The following HDAC8 variants were observed in gnomAD, a reference collection of about 807,000 sequenced individuals.
The protein encoded by HDAC8 is histone deacetylase-like 1.
HDAC8 carries 1 observed loss-of-function variant against 32.2 expected under a neutral mutation model. That is an observed-to-expected ratio of 0.03 (90% CI 0.01 to 0.15). The LOEUF (loss-of-function observed/expected upper bound fraction) is 0.15, where lower values mean the gene tolerates loss of function less well. Ranked by LOEUF, HDAC8 falls within the 10% of genes least tolerant of loss-of-function variation. The pLI is 1.00. For synonymous variants in HDAC8, 108 were observed against 113.9 expected (o/e 0.95, Z 0.33); for missense variants, 117 against 300.0 (o/e 0.39, Z 4.51).
chrX:72,522,272 AAAGT>A (rs1435220300), intron 4 of HDAC8, among the ~76,000 whole-genome samples: 1 of 112,707 alleles, frequency 8.9e-6, no homozygotes, highest in African/African-American at 3.2e-5. Context: ...AGATTATTCA[AAAGT>A]AAGAAATGAA....
chrX:72,394,572 G>A (rs2045706514), intron 9 of HDAC8, among the ~76,000 whole-genome samples: 1 of 112,282 alleles, frequency 8.9e-6, no homozygotes, highest in African/African-American at 3.2e-5. Flanking sequence ...AAAGCAACTG[G>A]ACTGCGGAAA....
intron 9 of HDAC8, among the ~76,000 whole-genome samples, chrX:72,370,988 C>T (rs2044857997): frequency 8.9e-6 from 1 of 112,101 alleles, no homozygotes; most frequent in African/African-American, 3.2e-5. Flanking sequence ...AAGATCAATA[C>T]TTTGTATGTT....
intron 8 of HDAC8, chrX:72,462,572 G>A (rs782311022): frequency 8.9e-6 from 1 of 112,905 alleles, no homozygotes; most frequent in Admixed American, 9.3e-5. Context: ...AAAGGAAAAT[G>A]CTGACAAAAA....
chrX:72,329,757 G>C lies in HDAC8; in HGVS notation c.*297C>G. 8.7e-7 allele frequency: 1 copy of C among 1,144,397 alleles called. No homozygotes were observed. The highest frequency in any genetic ancestry group is 3.2e-5 in the East Asian group (1 of 30,785). The allele number at this position is 1,144,397 out of a possible 1,213,427, so 94.3% of individuals were successfully genotyped here. ...ATTAAAATACTCCCCTCCCCAATTC[G>C]CTTAAAAATAATTTTCAAAGATTAA... On this transcript the variant is annotated 3_prime_UTR_variant, in exon 11 of 11. Transcript: ENST00000373573.
chrX:72,524,141 C>T (rs781800291), intron 4 of HDAC8, among the ~76,000 whole-genome samples: 3 of 112,432 alleles, frequency 2.7e-5, no homozygotes, highest in African/African-American at 9.7e-5. Context: ...GTCTAAAATA[C>T]TAGCTGGACC....
chrX:72,489,122 T>C, intron 6 of HDAC8, 81 bp from the exon 7 acceptor site: 1 of 646,286 alleles, frequency 1.5e-6, no homozygotes, highest in South Asian at 3.1e-5. Context: ...GATAGGGAAA[T>C]TTCTAGGGAA....
At chrX:72,505,220 C>T (rs1020444815) in intron 4 of HDAC8, among the ~76,000 whole-genome samples, 2 of 110,825 alleles carry the variant, frequency 1.8e-5, no homozygotes, top group Admixed American at 1.9e-4. Flanking sequence ...GATAAATATC[C>T]TTTGAAGCCC....
chrX:72,334,067 T>C (rs782389593), intron 10 of HDAC8, among the ~76,000 whole-genome samples: 7 of 112,410 alleles, frequency 6.2e-5, no homozygotes, highest in African/African-American at 2.3e-4. Flanking sequence ...AAGAAGTTGA[T>C]GATGAGCAAT....
chrX:72,490,917 A>C lies in HDAC8; in HGVS notation c.628+12T>G. The C allele has an allele frequency of 8.6e-7, 1 of 1,163,543 alleles. No homozygotes were observed. Among genetic ancestry groups the C allele is most frequent in the South Asian group, 1.8e-5 (1 of 55,774 alleles). On this transcript the variant is annotated intron_variant, in intron 6 of 10. Transcript: ENST00000373573. ...AGTCATCAAATGTAATACTGAGTTT[A>C]TGATCACTTGCCTGGGAAAAATCCT...
At chrX:72,572,214 G>A (rs1556161341) in intron 1 of HDAC8, 105 bp from the exon 2 acceptor site, 3 of 793,647 alleles carry the variant, frequency 3.8e-6, no homozygotes, top group African/African-American at 4.3e-5. Flanking sequence ...ACAAAGGAAC[G>A]GATTAATTTT....
intron 4 of HDAC8, among the ~76,000 whole-genome samples, chrX:72,551,835 C>A (rs782194700): frequency 7.1e-5 from 8 of 112,080 alleles, no homozygotes; most frequent in Non-Finnish European, 1.5e-4. Flanking sequence ...TATAATCTGA[C>A]CTTGTCCTAT....
At chrX:72,536,901 T>C (rs2050545755) in intron 4 of HDAC8, among the ~76,000 whole-genome samples, 1 of 111,924 alleles carries the variant, frequency 8.9e-6, no homozygotes, top group Non-Finnish European at 1.9e-5. Context: ...CATAACAGCA[T>C]AGTGAGCCAA....
At chrX:72,412,028 CAAATGGCTCCAAG>C (rs1223819521) in intron 9 of HDAC8, among the ~76,000 whole-genome samples, 5 of 112,054 alleles carry the variant, frequency 4.5e-5, no homozygotes, top group Admixed American at 2.8e-4. Flanking sequence ...TTTAATCTAA[CAAATGGCTCCAAG>C]AAATGGCTCT....
intron 4 of HDAC8, among the ~76,000 whole-genome samples, chrX:72,561,465 A>T (rs1870761536): frequency 8.9e-6 from 1 of 112,406 alleles, no homozygotes; most frequent in South Asian, 3.7e-4. Flanking sequence ...TGGTGCTGGG[A>T]TAATTGGCAA....
At chrX:72,516,756 G>A (rs2049819203) in intron 4 of HDAC8, among the ~76,000 whole-genome samples, 1 of 111,697 alleles carries the variant, frequency 9.0e-6, no homozygotes, top group Admixed American at 9.6e-5. Flanking sequence ...TCATTACAGT[G>A]GACATTATAA....
At chrX:72,381,808 C>T (rs782697319) in intron 9 of HDAC8, among the ~76,000 whole-genome samples, 1 of 112,166 alleles carries the variant, frequency 8.9e-6, no homozygotes, top group Non-Finnish European at 1.9e-5. Flanking sequence ...ATAGAAATTC[C>T]TATTTAAAGC....
At chrX:72,509,597 A>G (rs916434290) in intron 4 of HDAC8, among the ~76,000 whole-genome samples, 3 of 111,894 alleles carry the variant, frequency 2.7e-5, no homozygotes, top group Non-Finnish European at 3.8e-5. Context: ...CCTGGAGGAT[A>G]TTAGGCTAAG....
chrX:72,416,717 A>G (rs1479948714), intron 9 of HDAC8, among the ~76,000 whole-genome samples: 1 of 107,371 alleles, frequency 9.3e-6, no homozygotes, highest in Non-Finnish European at 1.9e-5. Flanking sequence ...TGTGTCCTAC[A>G]TATTTTGACA....
At chrX:72,428,125 G>A (rs1369652698) in intron 9 of HDAC8, among the ~76,000 whole-genome samples, 4 of 110,756 alleles carry the variant, frequency 3.6e-5, no homozygotes, top group African/African-American at 1.3e-4. Flanking sequence ...ACGGAGTCTC[G>A]CTCTGTCACC....
Sources: allele counts gnomAD v4.1 joint callset (sites outside exome capture counted in the v4.1 genomes callset), GRCh38; gene constraint gnomAD v4.1.1; transcripts MANE v1.5; gene names NCBI Gene and HGNC (gene_info 2026-07-23, HGNC 2026-07-21).